L3MBTL3: variants seen among roughly 807,000 people sequenced by gnomAD.
The protein encoded by L3MBTL3 is L3MBTL histone methyl-lysine binding protein 3, also known as lethal(3)malignant brain tumor-like protein 3.
A neutral mutation model predicts 102.3 loss-of-function variants in L3MBTL3; 27 were observed. The observed-to-expected ratio is 0.26, with a 90% CI of 0.19 to 0.36. The LOEUF (loss-of-function observed/expected upper bound fraction) is 0.36. L3MBTL3 is among the 10% of genes least tolerant of loss of function. L3MBTL3 has a pLI of 1.00. For synonymous variants in L3MBTL3, 340 were observed against 320.9 expected, an observed-to-expected ratio of 1.06 and a Z score of -0.64; for missense variants, 798 against 955.3, an observed-to-expected ratio of 0.84 and a Z score of 2.17.
chr6:130,054,994 T>C, intron 7 of L3MBTL3, 177 bp from the exon 8 acceptor site: 1 of 573,124 alleles, frequency 1.7e-6, no homozygotes, highest in Admixed American at 2.9e-5. Context: ...TATTTTGTAA[T>C]AACCTCAGGC....
intron 19 of L3MBTL3, among the ~76,000 whole-genome samples, chr6:130,114,650 GC>G (rs980548509): frequency 3.9e-5 from 6 of 152,024 alleles, no homozygotes; most frequent in African/African-American, 1.4e-4. Flanking sequence ...AATTAAATAG[GC>G]CTGTTAACCA....
At chr6:130,098,167 G>A (rs1397952087) in intron 18 of L3MBTL3, among the ~76,000 whole-genome samples, 1 of 152,152 alleles carries the variant, frequency 6.6e-6, no homozygotes, top group Non-Finnish European at 1.5e-5. Flanking sequence ...AAAAGAGAAA[G>A]GAATGTTTTC....
rs753331411 is a variant in L3MBTL3 at position 130,133,529 on chromosome 6, T to C, written c.2044T>C (p.Cys682Arg). 3.7e-6 allele frequency: 6 copies of C among 1,614,144 alleles called. No individual in the cohort carries two copies. The highest frequency in any genetic ancestry group is 1.7e-5 in the Admixed American group (1 of 60,028). Residue 682 changes from cysteine (C) to arginine (R), a missense_variant, in exon 21 of 23, where the codon TGT (cysteine) becomes CGT (arginine). Physicochemically the swap from Cys to Arg is radical, Grantham distance 180 (BLOSUM62 -3). Around this residue, in one of 4 missense-constraint regions of L3MBTL3, gnomAD observed 306 missense variants for 314.4 expected, o/e 0.97. Coordinates refer to ENST00000361794, the MANE Select transcript of L3MBTL3 (RefSeq NM_032438.4). The surrounding 1 kb of genome is among the most constrained non-coding windows in gnomAD (Gnocchi z 4.9). ...VFLSFKSPIPCLPLRWEQQSK... is the reference protein window; with the variant it reads ...VFLSFKSPIPRLPLRWEQQSK... The stretch of plus-strand genomic sequence containing the variant: ...TCTGTCCTTTAAGTCCCCAATTCCA[T>C]GTCTGCCCTTGCGCTGGGAGCAGCA...
chr6:130,019,894 C>T (rs1050491000), intron 1 of L3MBTL3, among the ~76,000 whole-genome samples: 2 of 139,078 alleles, frequency 1.4e-5, no homozygotes, highest in Non-Finnish European at 3.2e-5. Context: ...GGGCCGGGAG[C>T]CCGCGCCGTC....
chr6:130,053,100 G>A (rs1254839998), intron 7 of L3MBTL3, 109 bp downstream of exon 7: 3 of 787,810 alleles, frequency 3.8e-6, no homozygotes, highest in African/African-American at 3.4e-5. Context: ...TGGGTTCCAG[G>A]ACTATCTGTG....
chr6:130,120,472 C>T (rs973499928), intron 19 of L3MBTL3, among the ~76,000 whole-genome samples: 2 of 152,176 alleles, frequency 1.3e-5, no homozygotes, highest in Non-Finnish European at 2.9e-5. Flanking sequence ...CATCCAAATC[C>T]CAGTGCTGAG....
chr6:130,051,082 AC>A (rs2114778093), intron 5 of L3MBTL3, among the ~76,000 whole-genome samples, 166 bp from the exon 6 acceptor site: 1 of 152,316 alleles, frequency 6.6e-6, no homozygotes, highest in South Asian at 2.1e-4. Flanking sequence ...AGTGATTTTT[AC>A]AGAGCCCATA....
chr6:130,104,344 T>A (rs765527583), intron 18 of L3MBTL3, 82 bp from the exon 19 acceptor site: 219 of 986,266 alleles, frequency 2.2e-4, no homozygotes, highest in Non-Finnish European at 2.7e-4. Context: ...ATATTCTGTA[T>A]CCTGTCATTT....
At chr6:130,074,544 T>C (rs1041124320) in intron 13 of L3MBTL3, among the ~76,000 whole-genome samples, 3 of 152,234 alleles carry the variant, frequency 2.0e-5, no homozygotes, top group Non-Finnish European at 4.4e-5. Flanking sequence ...AGGTTACTGC[T>C]GTCCTCCCGC....
intron 7 of L3MBTL3, among the ~76,000 whole-genome samples, chr6:130,054,531 G>A (rs946649753): frequency 2.6e-5 from 4 of 152,196 alleles, no homozygotes; most frequent in Non-Finnish European, 5.9e-5. Flanking sequence ...TTGTCAGAGT[G>A]TGTGAGGAAA....
intron 20 of L3MBTL3, among the ~76,000 whole-genome samples, chr6:130,127,362 A>T (rs1786677530): frequency 6.6e-6 from 1 of 152,196 alleles, no homozygotes; most frequent in South Asian, 2.1e-4. Context: ...CTTGCTTCTG[A>T]GGCTTACTTC....
intron 22 of L3MBTL3, chr6:130,137,784 A>T (rs1045903159): frequency 6.6e-6 from 1 of 152,156 alleles, no homozygotes; most frequent in Admixed American, 6.5e-5. Context: ...GACTTAGAAG[A>T]CTTCTATAAG....
At chr6:130,050,251 A>T (rs1241686358) in intron 5 of L3MBTL3, among the ~76,000 whole-genome samples, 2 of 152,308 alleles carry the variant, frequency 1.3e-5, no homozygotes, top group East Asian at 1.9e-4. Context: ...AGCAGAACAT[A>T]CAAAGATCTG....
chr6:130,083,954 G>A (rs898965854), intron 15 of L3MBTL3, among the ~76,000 whole-genome samples: 1 of 152,002 alleles, frequency 6.6e-6, no homozygotes, highest in Non-Finnish European at 1.5e-5. Context: ...TGCTTGATTC[G>A]ATAGCATGTG....
chr6:130,029,571 C>T (rs78617486), intron 2 of L3MBTL3, among the ~76,000 whole-genome samples: 13 of 152,128 alleles, frequency 8.5e-5, no homozygotes, highest in South Asian at 2.1e-4. Context: ...GACCTTACAT[C>T]GGTCTCCCAA....
In L3MBTL3 at chr6:130,092,805, A is replaced by C. The variant is rs1461289324; in HGVS notation, c.1579A>C (p.Ile527Leu). 1 of 1,613,278 alleles carries C rather than the reference A, an allele frequency of 6.2e-7. No individual in the cohort carries two copies. The highest frequency in any genetic ancestry group is 8.5e-7 in the Non-Finnish European group (1 of 1,179,476). Reference protein sequence around the residue: ...DYWIDADSPDIHPVGWCSKTG... With the variant: ...DYWIDADSPDLHPVGWCSKTG... ...CTGGATAGATGCAGATTCTCCTGATATTCACCCTGTAGGCTGGTGTTCAAA... is the reference window on the plus strand; with the variant it reads ...CTGGATAGATGCAGATTCTCCTGATCTTCACCCTGTAGGCTGGTGTTCAAA... The change falls in exon 17 of 23, where the codon ATT (isoleucine) becomes CTT (leucine). Residue 527 changes from isoleucine to leucine, a missense_variant. Physicochemically the swap from Ile to Leu is conservative, Grantham distance 5. Around this residue, in one of 4 missense-constraint regions of L3MBTL3, gnomAD observed 306 missense variants for 314.4 expected, o/e 0.97. Transcript: ENST00000361794.
intron 22 of L3MBTL3, 132 bp from the exon 23 acceptor site, chr6:130,139,478 T>C (rs1239764281): frequency 2.6e-6 from 2 of 766,240 alleles, no homozygotes; most frequent in Admixed American, 2.4e-5. Context: ...AGAAATGTCA[T>C]TGCACACGTG....
intron 17 of L3MBTL3, 89 bp downstream of exon 17, chr6:130,092,948 CCT>C: frequency 2.7e-6 from 2 of 747,584 alleles, no homozygotes; most frequent in Non-Finnish European, 4.7e-6. Context: ...TTTTTCTCCT[CCT>C]CTCTCTACTG....
Position 130,030,667 on chromosome 6 carries a change from A to G in L3MBTL3, c.-16+8362A>G, listed in dbSNP as rs1214391824. 3.6e-5 allele frequency among the ~76,000 whole-genome samples: 4 copies of G among 111,782 alleles called. No individual in the cohort carries two copies. In the East Asian group the frequency reaches 9.9e-4, roughly 28 times the overall value. 73.3% of individuals were successfully genotyped at this position (111,782 alleles called of 152,430 possible). On this transcript the variant is annotated intron_variant, in intron 2 of 22. Coordinates refer to ENST00000361794, the MANE Select transcript of L3MBTL3 (RefSeq NM_032438.4). ...GGGTGACACAGCAAGACTCTACCTA[A>G]AAAAAAAAAAAAAAAAAAAAAAAAA...
Sources: gnomAD v4.1 joint callset for allele counts (sites outside exome capture counted in the v4.1 genomes callset) on GRCh38, gnomAD v4.1.1 for gene constraint, gnomAD v4.1.1 regional missense constraint, Gnocchi (gnomAD v3.1) non-coding constraint, MANE v1.5 for transcripts, NCBI Gene and HGNC (gene_info 2026-07-23, HGNC 2026-07-21) for gene names.